Variants in ANKS1B observed in about 807,000 individuals in gnomAD.
ANKS1B encodes the protein ankyrin repeat and sterile alpha motif domain containing 1B, also known as ankyrin repeat and sterile alpha motif domain-containing protein 1B.
ANKS1B carries 36 observed loss-of-function variants against 148.3 expected under a neutral mutation model. That is an observed-to-expected ratio of 0.24 (90% CI 0.19 to 0.32). ANKS1B has a LOEUF of 0.32. ANKS1B is among the 10% of genes least tolerant of loss of function. ANKS1B has a pLI of 1.00. For missense variants in ANKS1B, 1,157 were observed against 1,542.6 expected (o/e 0.75, Z 4.19); for synonymous variants, 542 against 560.8 (o/e 0.97, Z 0.47).
At chr12:99,478,366 T>G (rs887090057) in intron 10 of ANKS1B, among the ~76,000 whole-genome samples, 11 of 152,128 alleles carry the variant, frequency 7.2e-5, no homozygotes, top group African/African-American at 2.7e-4. Flanking sequence ...GGGTAGTATT[T>G]GAATGGCTGC....
intron 12 of ANKS1B, among the ~76,000 whole-genome samples, chr12:99,260,405 A>C (rs2075800243): frequency 6.6e-6 from 1 of 152,208 alleles, no homozygotes; most frequent in Admixed American, 6.5e-5. Context: ...ATTCAAATGT[A>C]TCCTGTGAGT....
At chr12:98,830,802 G>A (rs896386677) in intron 18 of ANKS1B, among the ~76,000 whole-genome samples, 1 of 151,830 alleles carries the variant, frequency 6.6e-6, no homozygotes, top group African/African-American at 2.4e-5. Flanking sequence ...AGTGACTGCC[G>A]GCCACTTCTT....
chr12:99,572,888 G>A (rs1797356041), intron 9 of ANKS1B, among the ~76,000 whole-genome samples: 2 of 151,952 alleles, frequency 1.3e-5, no homozygotes, highest in South Asian at 4.2e-4. Flanking sequence ...CATATAATAT[G>A]TATCGTGTTT....
At chr12:99,560,840 CTTTTTTTT>C (rs58588885) in intron 9 of ANKS1B, among the ~76,000 whole-genome samples, 2,513 of 72,022 alleles carry the variant, frequency 0.035, 77 homozygotes, top group African/African-American at 0.12. Context: ...TTTCTTTTTT[CTTTTTTTT>C]TTTTTTTTTT....
intron 9 of ANKS1B, among the ~76,000 whole-genome samples, chr12:99,580,576 C>T (rs572588916): frequency 2.0e-5 from 3 of 152,142 alleles, no homozygotes; most frequent in South Asian, 2.1e-4. Flanking sequence ...AGAATGGTGG[C>T]TACCAGAGGT....
At chr12:99,656,596 A>C (rs865909872) in intron 8 of ANKS1B, among the ~76,000 whole-genome samples, 2 of 152,150 alleles carry the variant, frequency 1.3e-5, no homozygotes, top group African/African-American at 4.8e-5. Context: ...AGTGGAGAAA[A>C]CTAGGGGTCA....
intron 1 of ANKS1B, among the ~76,000 whole-genome samples, chr12:99,871,309 G>A (rs191416884): frequency 7.9e-5 from 12 of 152,220 alleles, no homozygotes; most frequent in African/African-American, 1.4e-4. Context: ...CTTGGTTACC[G>A]TAGACTTATG....
intron 17 of ANKS1B, among the ~76,000 whole-genome samples, chr12:98,871,136 G>T (rs1158411477): frequency 6.6e-6 from 1 of 152,048 alleles, no homozygotes; most frequent in Non-Finnish European, 1.5e-5. Flanking sequence ...TCTTCCTCAT[G>T]TAATGTAAGT....
At chr12:99,859,033 TA>T (rs2089639295) in intron 1 of ANKS1B, among the ~76,000 whole-genome samples, 1 of 152,150 alleles carries the variant, frequency 6.6e-6, no homozygotes. Context: ...CCAGAACCAG[TA>T]AAAGTACTAT....
chr12:99,734,373 A>G (rs55998312), intron 8 of ANKS1B, among the ~76,000 whole-genome samples: 267 of 151,992 alleles, frequency 1.8e-3, no homozygotes, highest in Non-Finnish European at 3.0e-3. Flanking sequence ...GCTCACTGCA[A>G]TCTCCACCTC....
In ANKS1B at chr12:99,355,625, G is replaced by GT. The variant is rs546271913; in HGVS notation, c.1756+44005dup. 3.9e-5 allele frequency among the ~76,000 whole-genome samples: 6 copies of GT among 152,182 alleles called. No individual in the cohort carries two copies. The South Asian group carries it at 1.2e-3, about 32-fold the overall frequency. On this transcript the variant is annotated intron_variant, in intron 12 of 26. Transcript: ENST00000683438. ...ATTTCATTTCTCATTTACATTTGTCGTTTTGTCTTCTAATAGTTTGCCCCC... is the reference window on the plus strand; with the variant it reads ...ATTTCATTTCTCATTTACATTTGTCGTTTTTGTCTTCTAATAGTTTGCCCCC...
intron 17 of ANKS1B, among the ~76,000 whole-genome samples, chr12:98,924,517 C>G (rs1038425292): frequency 1.3e-5 from 2 of 152,048 alleles, no homozygotes; most frequent in Non-Finnish European, 2.9e-5. Context: ...TAGCTTCCCC[C>G]AAGCCACCCT....
chr12:99,807,381 T>C (rs967254672), intron 3 of ANKS1B, among the ~76,000 whole-genome samples: 12 of 152,104 alleles, frequency 7.9e-5, no homozygotes, highest in African/African-American at 2.7e-4. Context: ...TTCCTAGAAA[T>C]GTATCAAGAT....
intron 17 of ANKS1B, among the ~76,000 whole-genome samples, chr12:98,961,218 C>T (rs2099870858): frequency 6.6e-6 from 1 of 151,982 alleles, no homozygotes; most frequent in Non-Finnish European, 1.5e-5. Context: ...AATCAAACTC[C>T]CAAAGATCAA....
intron 9 of ANKS1B, among the ~76,000 whole-genome samples, chr12:99,553,916 C>T (rs1238066391): frequency 6.6e-6 from 1 of 152,136 alleles, no homozygotes; most frequent in Non-Finnish European, 1.5e-5. Context: ...AACAAATGAA[C>T]CACGATGGTC....
chr12:98,791,483 A>G (rs539240479), intron 22 of ANKS1B, among the ~76,000 whole-genome samples: 1 of 152,352 alleles, frequency 6.6e-6, no homozygotes, highest in East Asian at 1.9e-4. Flanking sequence ...TGTATTCACT[A>G]TGACTCACGC....
intron 10 of ANKS1B, among the ~76,000 whole-genome samples, chr12:99,492,907 A>G (rs957664694): frequency 1.3e-5 from 2 of 152,200 alleles, no homozygotes; most frequent in African/African-American, 4.8e-5. Flanking sequence ...TAAGAGCCAT[A>G]TATGACAAAC....
chr12:99,414,025 G>C (rs1440812894), intron 11 of ANKS1B, among the ~76,000 whole-genome samples: 1 of 152,016 alleles, frequency 6.6e-6, no homozygotes, highest in Non-Finnish European at 1.5e-5. Context: ...TTGCTCTCAA[G>C]CCCAGGGCTT....
chr12:99,015,113 T>C (rs1018133864), intron 17 of ANKS1B, among the ~76,000 whole-genome samples: 1 of 152,148 alleles, frequency 6.6e-6, no homozygotes, highest in Non-Finnish European at 1.5e-5. Context: ...AGCAAAGACA[T>C]GGAATCAACC....
Sources: gnomAD v4.1 joint callset for allele counts (sites outside exome capture counted in the v4.1 genomes callset) on GRCh38, gnomAD v4.1.1 for gene constraint, MANE v1.5 for transcripts, NCBI Gene and HGNC (gene_info 2026-07-23, HGNC 2026-07-21) for gene names.